Variants in KCTD8 observed in about 807,000 individuals in gnomAD.
KCTD8 encodes BTB/POZ domain-containing protein KCTD8.
A neutral mutation model predicts 31.5 loss-of-function variants in KCTD8; 27 were observed. The observed-to-expected ratio is 0.86, with a 90% CI of 0.63 to 1.18. The LOEUF is 1.18. Among genes scored for constraint, KCTD8 ranks in the 50% most tolerant of loss-of-function variants. The pLI, the probability that KCTD8 is intolerant of heterozygous loss-of-function variation, is 0.00. For missense variants in KCTD8, 658 were observed against 647.7 expected (o/e 1.02, Z -0.17); for synonymous variants, 290 against 280.0 (o/e 1.04, Z -0.36).
In KCTD8 at chr4:44,301,491, G is replaced by A. The variant is rs1717621519; in HGVS notation, c.962-126241C>T. On this transcript the variant is annotated intron_variant, in intron 1 of 1. Coordinates refer to ENST00000360029, the MANE Select transcript of KCTD8 (RefSeq NM_198353.3). ...AGTGATGATGAGCATTTTTTCATAT[G>A]TCTTTTGGCTGCATAAATGTCTTCT... is the stretch of plus-strand genomic sequence containing the variant. 2.0e-5 allele frequency among the ~76,000 whole-genome samples: 3 copies of A among 152,176 alleles called. No individual in the cohort carries two copies. The South Asian group carries it at 6.2e-4, about 31-fold the overall frequency.
chr4:44,400,728 C>CA (rs34000545), intron 1 of KCTD8, among the ~76,000 whole-genome samples: 51,952 of 100,004 alleles, frequency 0.52, 12,309 homozygotes, highest in Admixed American at 0.58. Context: ...GACTCTGTCT[C>CA]AAAAAAAAAA....
intron 1 of KCTD8, among the ~76,000 whole-genome samples, chr4:44,255,937 A>G (rs1191563440): frequency 6.6e-6 from 1 of 151,990 alleles, no homozygotes; most frequent in African/African-American, 2.4e-5. Flanking sequence ...CGCTGCTAAT[A>G]AAGACATACC....
intron 1 of KCTD8, among the ~76,000 whole-genome samples, chr4:44,181,445 G>A (rs915327319): frequency 2.6e-5 from 4 of 152,112 alleles, no homozygotes; most frequent in Admixed American, 6.5e-5. Context: ...ACGGGGTTTC[G>A]CTGTGTTGGC....
At chr4:44,304,585 T>C (rs1717744689) in intron 1 of KCTD8, among the ~76,000 whole-genome samples, 1 of 152,146 alleles carries the variant, frequency 6.6e-6, no homozygotes. Context: ...GTTTTTGTTG[T>C]ACTGTATTAA....
intron 1 of KCTD8, among the ~76,000 whole-genome samples, chr4:44,288,861 G>T (rs1174611964): frequency 6.6e-6 from 1 of 151,998 alleles, no homozygotes; most frequent in African/African-American, 2.4e-5. Context: ...GGTCAGAAAA[G>T]GCAGGTAACA....
At chr4:44,244,544 A>G (rs369973993) in intron 1 of KCTD8, among the ~76,000 whole-genome samples, 2 of 152,276 alleles carry the variant, frequency 1.3e-5, no homozygotes, top group East Asian at 3.9e-4. Flanking sequence ...GTTCATGGAA[A>G]CTAGAGGCTC....
chr4:44,377,344 C>T (rs1254043007), intron 1 of KCTD8, among the ~76,000 whole-genome samples: 2 of 152,144 alleles, frequency 1.3e-5, no homozygotes, highest in Non-Finnish European at 2.9e-5. Flanking sequence ...TGAGAAGCGC[C>T]CTTTCTGGGC....
At chr4:44,362,080 T>TA (rs1487118319) in intron 1 of KCTD8, among the ~76,000 whole-genome samples, 4 of 151,964 alleles carry the variant, frequency 2.6e-5, no homozygotes, top group African/African-American at 9.7e-5. Flanking sequence ...GTAGAGGAGA[T>TA]AAAAAATTCC....
chr4:44,183,567 T>A (rs1317824521), intron 1 of KCTD8, among the ~76,000 whole-genome samples: 1 of 152,164 alleles, frequency 6.6e-6, no homozygotes, highest in Non-Finnish European at 1.5e-5. Flanking sequence ...AAAAGATAGC[T>A]TTTCCCAGTC....
At position 44,448,661 on chromosome 4, in the gene KCTD8, C is replaced by A. The variant is rs567108023; in HGVS notation, c.-138G>T. Reference sequence around the variant, plus strand: ...CGCGTTCCTCCGACCGGGGCGGCCCCGCTCAGGGTTCGGGGCAGCGGCGGC... The same window carrying A: ...CGCGTTCCTCCGACCGGGGCGGCCCAGCTCAGGGTTCGGGGCAGCGGCGGC... On this transcript the variant is annotated 5_prime_UTR_variant, in exon 1 of 2. Transcript: ENST00000360029. The surrounding 1 kb of genome is among the most constrained non-coding windows in gnomAD (Gnocchi z 4.1). The A allele has an allele frequency of 3.1e-6, 3 of 959,140 alleles. No individual in the cohort carries two copies. The highest frequency in any genetic ancestry group is 4.1e-6 in the Non-Finnish European group (3 of 735,276). 59.4% of individuals were successfully genotyped at this position (959,140 alleles called of 1,614,324 possible). A position where few individuals can be genotyped will look rare whatever the true frequency, so the allele number is the denominator to read the frequency against.
intron 1 of KCTD8, chr4:44,293,388 A>G (rs148245386): frequency 1.7e-4 from 76 of 440,674 alleles, no homozygotes; most frequent in African/African-American, 1.5e-3. Flanking sequence ...TACTTAATGG[A>G]GAGTATTAAC....
At chr4:44,287,688 A>G (rs1030968532) in intron 1 of KCTD8, among the ~76,000 whole-genome samples, 2 of 152,132 alleles carry the variant, frequency 1.3e-5, no homozygotes, top group Non-Finnish European at 2.9e-5. Flanking sequence ...AACATTTGTC[A>G]CCTTTGGCAC....
At chr4:44,351,312 G>A (rs1229479462) in intron 1 of KCTD8, among the ~76,000 whole-genome samples, 1 of 151,946 alleles carries the variant, frequency 6.6e-6, no homozygotes, top group Non-Finnish European at 1.5e-5. Context: ...ATAACATTAT[G>A]GGCTAGTTGA....
intron 1 of KCTD8, among the ~76,000 whole-genome samples, chr4:44,192,128 G>A (rs188715233): frequency 9.2e-5 from 14 of 152,210 alleles, no homozygotes; most frequent in East Asian, 7.7e-4. Context: ...TATTGGGGGC[G>A]GGTTCCCCCG....
rs554065223 is a variant in KCTD8 at position 44,445,194 on chromosome 4, T to C, written c.961+2369A>G. Among the ~76,000 whole-genome samples the C allele has an allele frequency of 5.3e-5, 8 of 152,294 alleles. No individual in the cohort carries two copies. The East Asian group carries it at 1.3e-3, about 26-fold the overall frequency. The stretch of plus-strand genomic sequence containing the variant: ...TTAAAATGAATCCCATTCAAAATAA[T>C]GTGTAAAAATATAATGAAAGCTGTA... On this transcript the variant is annotated intron_variant, in intron 1 of 1. Transcript: ENST00000360029.
At chr4:44,392,353 TTAAA>T (rs1029349720) in intron 1 of KCTD8, among the ~76,000 whole-genome samples, 56 of 152,124 alleles carry the variant, frequency 3.7e-4, no homozygotes, top group African/African-American at 1.3e-3. Context: ...AAACAAGGCA[TTAAA>T]TAAATATTAA....
chr4:44,435,749 T>C (rs923617298), intron 1 of KCTD8, among the ~76,000 whole-genome samples: 1 of 152,026 alleles, frequency 6.6e-6, no homozygotes, highest in African/African-American at 2.4e-5. Context: ...AAGCACCAGG[T>C]GTGCAGGATA....
chr4:44,412,234 C>T (rs1478922080), intron 1 of KCTD8, among the ~76,000 whole-genome samples: 1 of 152,124 alleles, frequency 6.6e-6, no homozygotes, highest in Admixed American at 6.6e-5. Flanking sequence ...TCAATTATAT[C>T]AGCTGGGAAA....
intron 1 of KCTD8, among the ~76,000 whole-genome samples, chr4:44,337,673 C>CAA (rs772899561): frequency 6.1e-4 from 43 of 70,520 alleles, no homozygotes; most frequent in Middle Eastern, 0.012. Flanking sequence ...GACTCGATCT[C>CAA]AAAAAATATA....
Sources: allele counts gnomAD v4.1 joint callset (sites outside exome capture counted in the v4.1 genomes callset), GRCh38; gene constraint gnomAD v4.1.1; non-coding constraint Gnocchi (gnomAD v3.1); transcripts MANE v1.5; gene names NCBI Gene and HGNC (gene_info 2026-07-23, HGNC 2026-07-21).